The following SYCP2L variants were observed in gnomAD, a reference collection of about 807,000 sequenced individuals.
The protein encoded by SYCP2L is synaptonemal complex protein 2-like.
Under a neutral mutation model 125.8 loss-of-function variants are expected in SYCP2L, and 98 were observed. The ratio of observed to expected loss-of-function variants is 0.78; its 90% CI spans 0.66 to 0.92. The LOEUF is 0.92. Among genes scored for constraint, SYCP2L ranks in the 40% least tolerant of loss-of-function variants. The pLI is 0.00. For missense variants in SYCP2L, 842 were observed against 936.4 expected, an observed-to-expected ratio of 0.90 and a Z score of 1.32; for synonymous variants, 317 against 325.4, an observed-to-expected ratio of 0.97 and a Z score of 0.28.
In SYCP2L at chr6:10,942,467, G is replaced by A; in HGVS notation, c.1822G>A (p.Asp608Asn). ...EDSAQKTELQ[D>N]PHSLSELSSL... ...TTCTCTCTAATGCTCAGAGCTTCAA[G>A]ATCCTCACTCACTGAGTGAGCTCTC... Residue 608 changes from aspartate to asparagine, a missense_variant, in exon 22 of 30, where the codon GAT (aspartate) becomes AAT (asparagine). Physicochemically the swap from Asp to Asn is conservative, Grantham distance 23 (BLOSUM62 1). Coordinates refer to ENST00000283141, the MANE Select transcript of SYCP2L (RefSeq NM_001040274.3). 1 of 1,578,956 alleles carries A rather than the reference G, an allele frequency of 6.3e-7. No homozygotes were observed. Among genetic ancestry groups the A allele is most frequent in the Non-Finnish European group, 8.6e-7 (1 of 1,168,744 alleles).
intron 21 of SYCP2L, among the ~76,000 whole-genome samples, chr6:10,939,264 C>T (rs978054120): frequency 6.6e-6 from 1 of 152,250 alleles, no homozygotes; most frequent in South Asian, 2.1e-4. Context: ...ATCCTATGTA[C>T]ATGGATTGGA....
In SYCP2L at chr6:10,912,571, T is replaced by C; in HGVS notation, c.919-102T>C. On this transcript the variant is annotated intron_variant, in intron 12 of 29. Transcript: ENST00000283141. This position sits in a 1 kb window ranked among gnomAD's most constrained non-coding sequence, Gnocchi z 4.1. ...GCCCTATAATGCTAGGATAATGCTG[T>C]TCCAGGAAGAGCACAAATTCTATTT... The C allele has an allele frequency of 1.2e-6, 1 of 832,856 alleles. No homozygotes were observed. Among genetic ancestry groups the C allele is most frequent in the Non-Finnish European group, 1.9e-6 (1 of 521,720 alleles). The allele number at this position is 832,856 out of a possible 1,614,324, so 51.6% of individuals were successfully genotyped here.
intron 27 of SYCP2L, 42 bp from the exon 28 acceptor site, chr6:10,961,458 A>G: frequency 8.7e-6 from 14 of 1,613,690 alleles, no homozygotes; most frequent in Non-Finnish European, 1.2e-5. Context: ...CCCAGGGAAA[A>G]ATAACGCTAG....
At chr6:10,911,901 T>C (rs917994941) in intron 12 of SYCP2L, among the ~76,000 whole-genome samples, 118 of 117,140 alleles carry the variant, frequency 1.0e-3, no homozygotes, top group Non-Finnish European at 1.6e-3. Flanking sequence ...AAGCTTTTTT[T>C]TTTTTTTTTT....
At chr6:10,962,122 G>A (rs72823374) in intron 28 of SYCP2L, among the ~76,000 whole-genome samples, 77 of 152,062 alleles carry the variant, frequency 5.1e-4, no homozygotes, top group Non-Finnish European at 8.1e-4. Context: ...TCTGCCCTGC[G>A]GGAAAATTCT....
At chr6:10,964,387 G>A (rs1205941449) in intron 29 of SYCP2L, among the ~76,000 whole-genome samples, 2 of 152,162 alleles carry the variant, frequency 1.3e-5, no homozygotes, top group African/African-American at 2.4e-5. Flanking sequence ...AGAGATACAG[G>A]TTGAGTATCC....
chr6:10,928,278 A>T, intron 17 of SYCP2L, 125 bp from the exon 18 acceptor site: 2 of 518,556 alleles, frequency 3.9e-6, no homozygotes, highest in Non-Finnish European at 6.7e-6. Flanking sequence ...ATAAGTGTCC[A>T]TGAAATCTTC....
intron 24 of SYCP2L, 123 bp from the exon 25 acceptor site, chr6:10,956,013 C>A (rs534350549): frequency 2.8e-6 from 2 of 719,678 alleles, no homozygotes; most frequent in South Asian, 3.6e-5. Context: ...AGGCAGTCAG[C>A]GGGGCTTCCA....
At chr6:10,926,295 A>G in intron 15 of SYCP2L, 44 bp from the exon 16 acceptor site, 1 of 1,195,376 alleles carries the variant, frequency 8.4e-7, no homozygotes, top group Non-Finnish European at 1.2e-6. Context: ...TTTTTTTTTT[A>G]AAGATGACTA....
chr6:10,893,835 A>G lies in SYCP2L; in HGVS notation c.79-32A>G, dbSNP rs754364022. The G allele has an allele frequency of 2.5e-6, 4 of 1,596,178 alleles. No homozygotes were observed. The Admixed American group carries it at 5.4e-5, about 22-fold the overall frequency. On this transcript the variant is annotated intron_variant, in intron 2 of 29. Transcript: ENST00000283141. Reference sequence around the variant, plus strand: ...TACTATAAAATAAATGTTCTTGGGGAAAAAGTAATTTGCAAACTATCATCT... The same window carrying G: ...TACTATAAAATAAATGTTCTTGGGGGAAAAGTAATTTGCAAACTATCATCT...
intron 23 of SYCP2L, among the ~76,000 whole-genome samples, chr6:10,949,468 A>G (rs1317140504): frequency 6.6e-6 from 1 of 152,180 alleles, no homozygotes; most frequent in Non-Finnish European, 1.5e-5. Context: ...AGTCTGTACA[A>G]TATCTTTCCT....
chr6:10,974,177 T>C lies in SYCP2L; in HGVS notation c.*263T>C, dbSNP rs1581850116. Reference sequence around the variant, plus strand: ...TTAAAATTTGGTCAGATAGTATTAATAGAAAGTTCAGGATGTTAAACAACT... The same window carrying C: ...TTAAAATTTGGTCAGATAGTATTAACAGAAAGTTCAGGATGTTAAACAACT... On this transcript the variant is annotated 3_prime_UTR_variant, in exon 30 of 30. Coordinates refer to ENST00000283141, the MANE Select transcript of SYCP2L (RefSeq NM_001040274.3). The C allele has an allele frequency of 6.6e-6, 1 of 152,116 alleles. No individual in the cohort carries two copies. The highest frequency in any genetic ancestry group is 2.4e-5 in the African/African-American group (1 of 41,426). The allele number at this position is 152,116 out of a possible 1,614,324, so 9.4% of individuals were successfully genotyped here.
chr6:10,940,014 A>G (rs1472329912), intron 21 of SYCP2L, among the ~76,000 whole-genome samples: 1 of 152,254 alleles, frequency 6.6e-6, no homozygotes, highest in East Asian at 1.9e-4. Flanking sequence ...CACATAACCT[A>G]ATTAAAAATG....
intron 21 of SYCP2L, among the ~76,000 whole-genome samples, chr6:10,939,176 C>G (rs534857218): frequency 6.6e-6 from 1 of 150,980 alleles, no homozygotes; most frequent in Non-Finnish European, 1.5e-5. Context: ...TAAAAATAAC[C>G]AAGGAGGTGA....
chr6:10,925,437 AG>A (rs1371987290), intron 15 of SYCP2L, among the ~76,000 whole-genome samples: 1 of 152,286 alleles, frequency 6.6e-6, no homozygotes, highest in Admixed American at 6.5e-5. Flanking sequence ...GTACTTCTCT[AG>A]ATTGCTGTGG....
At chr6:10,943,195 A>G (rs1473913583) in intron 23 of SYCP2L, among the ~76,000 whole-genome samples, 2 of 152,204 alleles carry the variant, frequency 1.3e-5, no homozygotes, top group Non-Finnish European at 2.9e-5. Flanking sequence ...TGGTATGAAG[A>G]TTTCCAGTCT....
At chr6:10,971,020 G>C (rs1781761131) in intron 29 of SYCP2L, among the ~76,000 whole-genome samples, 1 of 152,200 alleles carries the variant, frequency 6.6e-6, no homozygotes, top group Non-Finnish European at 1.5e-5. Flanking sequence ...CCGAGGATCA[G>C]AGTTTGCATG....
At chr6:10,927,885 G>A (rs1008404203) in intron 17 of SYCP2L, among the ~76,000 whole-genome samples, 1 of 152,068 alleles carries the variant, frequency 6.6e-6, no homozygotes, top group Non-Finnish European at 1.5e-5. Flanking sequence ...CACCCTCAGG[G>A]GCGCATTCTC....
chr6:10,930,252 G>C, intron 18 of SYCP2L, 118 bp from the exon 19 acceptor site: 1 of 1,014,256 alleles, frequency 9.9e-7, no homozygotes, highest in South Asian at 1.8e-5. Flanking sequence ...TTATATAAGA[G>C]AGCCCAGTCT....
Sources: gnomAD v4.1 joint callset for allele counts (sites outside exome capture counted in the v4.1 genomes callset) on GRCh38, gnomAD v4.1.1 for gene constraint, Gnocchi (gnomAD v3.1) non-coding constraint, MANE v1.5 for transcripts, NCBI Gene and HGNC (gene_info 2026-07-23, HGNC 2026-07-21) for gene names.